The following NKAIN2 variants were observed in gnomAD, a reference collection of about 807,000 sequenced individuals.
The protein encoded by NKAIN2 is sodium/potassium transporting ATPase interacting 2, also known as sodium/potassium-transporting ATPase subunit beta-1-interacting protein 2.
In NKAIN2, 14 loss-of-function variants were observed where a neutral mutation model predicts 32.6. The ratio of observed to expected loss-of-function variants is 0.43; its 90% CI spans 0.28 to 0.67. The LOEUF is 0.67. NKAIN2 is among the 30% of genes least tolerant of loss of function. The pLI, the probability that NKAIN2 is intolerant of heterozygous loss-of-function variation, is 0.17. For synonymous variants in NKAIN2, 80 were observed against 87.2 expected (o/e 0.92, Z 0.46); for missense variants, 198 against 258.3 (o/e 0.77, Z 1.60).
chr6:124,665,153 G>GA (rs985856565), intron 4 of NKAIN2, among the ~76,000 whole-genome samples: 33 of 150,844 alleles, frequency 2.2e-4, no homozygotes, highest in South Asian at 6.3e-4. Context: ...TACAGAAATA[G>GA]AAAAAAAAAT....
intron 1 of NKAIN2, among the ~76,000 whole-genome samples, chr6:123,951,073 A>C (rs1160414537): frequency 6.6e-6 from 1 of 151,962 alleles, no homozygotes. Context: ...TACAATTTCC[A>C]ATGTTCCTCT....
chr6:124,260,983 G>T (rs761777749), intron 1 of NKAIN2, among the ~76,000 whole-genome samples: 1 of 152,170 alleles, frequency 6.6e-6, no homozygotes, highest in Non-Finnish European at 1.5e-5. Flanking sequence ...GGCCCTGTGA[G>T]AAATACTGTG....
chr6:124,580,087 T>G (rs545973596), intron 3 of NKAIN2, among the ~76,000 whole-genome samples: 2 of 152,146 alleles, frequency 1.3e-5, no homozygotes, highest in Admixed American at 1.3e-4. Flanking sequence ...AAATGCTAAA[T>G]GGAGTTCTGC....
At chr6:124,276,552 T>G (rs1239437963) in intron 1 of NKAIN2, among the ~76,000 whole-genome samples, 1 of 152,116 alleles carries the variant, frequency 6.6e-6, no homozygotes, top group Non-Finnish European at 1.5e-5. Flanking sequence ...ATCTAGTATA[T>G]CTCTTGCATA....
intron 1 of NKAIN2, among the ~76,000 whole-genome samples, chr6:123,849,965 TG>T (rs71763876): frequency 0.15 from 4,578 of 31,474 alleles, 202 homozygotes; most frequent in East Asian, 0.42. Context: ...TTTTTTTGTT[TG>T]TTTGTTTTTT....
intron 1 of NKAIN2, among the ~76,000 whole-genome samples, chr6:123,883,095 G>A (rs747793302): frequency 6.6e-6 from 1 of 152,022 alleles, no homozygotes; most frequent in Non-Finnish European, 1.5e-5. Context: ...GTGGGAGGTG[G>A]TTAGATCATG....
intron 1 of NKAIN2, among the ~76,000 whole-genome samples, chr6:124,177,742 A>G (rs923235961): frequency 6.6e-6 from 1 of 152,070 alleles, no homozygotes; most frequent in Admixed American, 6.6e-5. Context: ...AAGCCTTTAT[A>G]AAAGAGGCGC....
intron 1 of NKAIN2, among the ~76,000 whole-genome samples, chr6:124,220,831 C>T (rs1469914718): frequency 6.6e-6 from 1 of 151,986 alleles, no homozygotes; most frequent in Non-Finnish European, 1.5e-5. Context: ...CTAGGAGCTC[C>T]ATAAATATTT....
At chr6:124,591,052 T>A (rs958998917) in intron 3 of NKAIN2, among the ~76,000 whole-genome samples, 14 of 152,242 alleles carry the variant, frequency 9.2e-5, no homozygotes, top group Non-Finnish European at 1.6e-4. Flanking sequence ...ATTTGCTTTT[T>A]GTGAGGGACC....
intron 2 of NKAIN2, among the ~76,000 whole-genome samples, chr6:124,304,404 A>G (rs1001697883): frequency 1.3e-5 from 2 of 152,192 alleles, no homozygotes; most frequent in African/African-American, 4.8e-5. Context: ...AGGCAAGAAT[A>G]TGTGGTATAA....
intron 3 of NKAIN2, among the ~76,000 whole-genome samples, chr6:124,534,760 T>C (rs1266934456): frequency 1.3e-5 from 2 of 152,192 alleles, no homozygotes; most frequent in Non-Finnish European, 2.9e-5. Flanking sequence ...AGCTTTCTCT[T>C]TTCCAACCCA....
chr6:124,504,621 A>T (rs991395148), intron 3 of NKAIN2, among the ~76,000 whole-genome samples: 2 of 152,232 alleles, frequency 1.3e-5, no homozygotes, highest in Non-Finnish European at 2.9e-5. Context: ...CAAGTAATCA[A>T]CAATGCCTCA....
chr6:124,378,057 G>A (rs963282122), intron 3 of NKAIN2, among the ~76,000 whole-genome samples: 2 of 152,094 alleles, frequency 1.3e-5, no homozygotes, highest in African/African-American at 4.8e-5. Context: ...GAAATTTCCA[G>A]TCCCTGTGTA....
chr6:124,656,601 T>A (rs1217339918), intron 3 of NKAIN2, among the ~76,000 whole-genome samples: 1 of 152,098 alleles, frequency 6.6e-6, no homozygotes, highest in Non-Finnish European at 1.5e-5. Flanking sequence ...AAATATCTCA[T>A]CTGTAGGTAC....
chr6:124,182,166 T>C (rs2114547476), intron 1 of NKAIN2, among the ~76,000 whole-genome samples: 1 of 152,218 alleles, frequency 6.6e-6, no homozygotes, highest in East Asian at 1.9e-4. Context: ...TATAAAACCA[T>C]CGTATCTCAT....
intron 1 of NKAIN2, among the ~76,000 whole-genome samples, chr6:123,840,791 TAGAA>T (rs900693110): frequency 1.3e-5 from 2 of 152,150 alleles, no homozygotes; most frequent in African/African-American, 2.4e-5. Flanking sequence ...TTGTATGTAT[TAGAA>T]AGAACACTTT....
At chr6:124,353,843 C>A (rs1477909497) in intron 2 of NKAIN2, among the ~76,000 whole-genome samples, 1 of 152,114 alleles carries the variant, frequency 6.6e-6, no homozygotes, top group Non-Finnish European at 1.5e-5. Context: ...AGGATGACTC[C>A]AGAGATCAAC....
chr6:124,613,967 A>G (rs1782787984), intron 3 of NKAIN2, among the ~76,000 whole-genome samples: 1 of 152,204 alleles, frequency 6.6e-6, no homozygotes, highest in Admixed American at 6.5e-5. Flanking sequence ...TAAGCAAGTA[A>G]CCACAATTCA....
At chr6:124,414,439 A>G (rs1216208021) in intron 3 of NKAIN2, among the ~76,000 whole-genome samples, 1 of 152,100 alleles carries the variant, frequency 6.6e-6, no homozygotes, top group Non-Finnish European at 1.5e-5. Flanking sequence ...ATCTATGTTC[A>G]TGAGAGATAT....
Sources: allele counts gnomAD v4.1 joint callset (sites outside exome capture counted in the v4.1 genomes callset), GRCh38; gene constraint gnomAD v4.1.1; transcripts MANE v1.5; gene names NCBI Gene and HGNC (gene_info 2026-07-23, HGNC 2026-07-21).